The following KIF9 variants were observed in gnomAD, a reference collection of about 807,000 sequenced individuals.
The protein encoded by KIF9 is kinesin family member 9.
Under a neutral mutation model 94.8 loss-of-function variants are expected in KIF9, and 68 were observed. The ratio of observed to expected loss-of-function variants is 0.72; its 90% CI spans 0.59 to 0.88. The LOEUF (loss-of-function observed/expected upper bound fraction) is 0.88. Among genes scored for constraint, KIF9 ranks in the 40% least tolerant of loss-of-function variants. The pLI is 0.00. For missense variants in KIF9, 882 were observed against 982.5 expected (o/e 0.90, Z 1.37); for synonymous variants, 343 against 362.1 (o/e 0.95, Z 0.60).
At chr3:47,261,188 G>A (rs1037980884) in intron 9 of KIF9, among the ~76,000 whole-genome samples, 7 of 152,190 alleles carry the variant, frequency 4.6e-5, no homozygotes, top group African/African-American at 1.7e-4. Context: ...TGGCCTCTGT[G>A]TCTTTGGCCC....
At chr3:47,269,364 C>CGTA (rs1701494198) in intron 5 of KIF9, among the ~76,000 whole-genome samples, 1 of 152,160 alleles carries the variant, frequency 6.6e-6, no homozygotes, top group Admixed American at 6.6e-5. Context: ...TTACTGAAAC[C>CGTA]TCTACCTGCT....
intron 1 of KIF9, among the ~76,000 whole-genome samples, chr3:47,281,626 G>C (rs920426064): frequency 1.3e-5 from 2 of 152,182 alleles, no homozygotes; most frequent in Non-Finnish European, 2.9e-5. Context: ...AGGATTACAG[G>C]CGTGAGCCAC....
intron 8 of KIF9, 87 bp from the exon 9 acceptor site, chr3:47,264,437 C>T: frequency 9.4e-7 from 1 of 1,063,374 alleles, no homozygotes; most frequent in Non-Finnish European, 1.4e-6. Flanking sequence ...ATACTGAATG[C>T]TTTTTATTTG....
chr3:47,257,242 C>A (rs1424137928), intron 10 of KIF9, among the ~76,000 whole-genome samples: 1 of 151,984 alleles, frequency 6.6e-6, no homozygotes, highest in Non-Finnish European at 1.5e-5. Flanking sequence ...CTAATAAGTT[C>A]TTTAGGCCTC....
rs1427409387 is a variant in KIF9 at position 47,236,124 on chromosome 3, G to C, written c.2127C>G (p.Ser709=). The change falls in exon 19 of 21, where the codon TCC becomes TCG. Residue 709 remains serine (S), a synonymous_variant. Coordinates refer to ENST00000684063, the MANE Select transcript of KIF9 (RefSeq NM_182902.4). ...TCTGCATGTCCTCAGGGATGACAAA[G>C]GACTCATTGTACCAGATGTCAAATT... The part of the protein sequence containing the change: ...LMEFDIWYNE[S]FVIPEDMQMA... 2 of 1,614,032 alleles carry C rather than the reference G, an allele frequency of 1.2e-6. No homozygotes were observed. The highest frequency in any genetic ancestry group is 1.1e-5 in the South Asian group (1 of 91,070).
chr3:47,277,199 A>G (rs2107523462), intron 2 of KIF9, 83 bp downstream of exon 2: 12 of 1,013,812 alleles, frequency 1.2e-5, no homozygotes, highest in Non-Finnish European at 1.8e-5. Context: ...TGGTCCTTCA[A>G]AGGTTGCTTG....
chr3:47,229,541 T>C (rs1698398588), intron 20 of KIF9, among the ~76,000 whole-genome samples: 1 of 152,064 alleles, frequency 6.6e-6, no homozygotes, highest in Non-Finnish European at 1.5e-5. Context: ...TATATAAAAG[T>C]ATATATTTAA....
rs774986855 is a variant in KIF9, at chr3:47,282,685, C to G, written c.-196G>C. 172 of 1,334,818 alleles carry G rather than the reference C, an allele frequency of 1.3e-4. No homozygotes were observed. The highest frequency in any genetic ancestry group is 1.6e-4 in the Non-Finnish European group (168 of 1,034,720). 82.7% of individuals were successfully genotyped at this position (1,334,818 alleles called of 1,614,324 possible). Reference sequence around the variant, plus strand: ...TCGAGGATACGGGTGAGGTCATGGCCGAATCGGGAAGACGAGAGATGGGGC... The same window carrying G: ...TCGAGGATACGGGTGAGGTCATGGCGGAATCGGGAAGACGAGAGATGGGGC... On this transcript the variant is annotated 5_prime_UTR_variant, in exon 1 of 21. Coordinates refer to ENST00000684063, the MANE Select transcript of KIF9 (RefSeq NM_182902.4).
In KIF9 at chr3:47,265,749, G is replaced by C; in HGVS notation, c.897C>G (p.His299Gln). 6.2e-7 allele frequency: 1 copy of C among 1,614,164 alleles called. No homozygotes were observed. The highest frequency in any genetic ancestry group is 8.5e-7 in the Non-Finnish European group (1 of 1,180,002). The stretch of plus-strand genomic sequence containing the variant: ...CCTCACCTAACGAGTCCTTCAGAGC[G>C]TGGGTGAGCTTGCACTGCCGAAAGG... ...HIPFRQCKLT[H>Q]ALKDSLGGNC... is the part of the protein sequence containing the mutation. The change falls in exon 8 of 21, where the codon CAC (histidine) becomes CAG (glutamine). Residue 299 changes from histidine (H) to glutamine (Q), a missense_variant. Physicochemically the swap from His to Gln is conservative, Grantham distance 24. Transcript: ENST00000684063.
At chr3:47,277,474 CG>C in intron 1 of KIF9, 95 bp from the exon 2 acceptor site, 1 of 818,642 alleles carries the variant, frequency 1.2e-6, no homozygotes, top group Non-Finnish European at 2.0e-6. Flanking sequence ...AAAAGAGTGA[CG>C]AGCAGTCCAT....
At chr3:47,242,072 A>G (rs567182080) in intron 16 of KIF9, among the ~76,000 whole-genome samples, 1 of 151,680 alleles carries the variant, frequency 6.6e-6, no homozygotes, top group East Asian at 1.9e-4. Flanking sequence ...TTATAGAGAC[A>G]GAGTCCCACT....
Position 47,266,935 on chromosome 3 carries a change from T to C in KIF9, c.768+41A>G, listed in dbSNP as rs370891344. 8.6e-5 allele frequency: 123 copies of C among 1,425,898 alleles called. 1 individual carries two copies. The highest frequency in any genetic ancestry group is 1.7e-5 in the Non-Finnish European group (17 of 1,009,550). 88.3% of individuals were successfully genotyped at this position (1,425,898 alleles called of 1,614,324 possible). On this transcript the variant is annotated intron_variant, in intron 7 of 20. Coordinates refer to ENST00000684063, the MANE Select transcript of KIF9 (RefSeq NM_182902.4). The stretch of plus-strand genomic sequence containing the variant: ...CAGGCACTGTGCCAGAAAAAGGGCT[T>C]GTGGTTTATTGAGTAGCAACCTCCA...
intron 17 of KIF9, among the ~76,000 whole-genome samples, chr3:47,236,929 G>A (rs1393364798): frequency 2.0e-5 from 3 of 152,236 alleles, no homozygotes; most frequent in Non-Finnish European, 4.4e-5. Context: ...AGTAGCCAAA[G>A]ATATTTAGTA....
rs1698328788 is a variant in KIF9, at chr3:47,228,686, G to A, written c.2339C>T (p.Thr780Ile). The change falls in exon 21 of 21, where the codon ACC becomes ATC. Residue 780 changes from threonine to isoleucine, a missense_variant. Physicochemically the swap from Thr to Ile is moderately conservative, Grantham distance 89. Coordinates refer to ENST00000684063, the MANE Select transcript of KIF9 (RefSeq NM_182902.4). ...KIEQKHNYLK[T>I]MMGLQQAHRK Reference sequence around the variant, plus strand: ...ATGTGCCTGCTGGAGGCCCATCATGGTTTTCAAGTAATTATGCTGGACACA... The same window carrying A: ...ATGTGCCTGCTGGAGGCCCATCATGATTTTCAAGTAATTATGCTGGACACA... The A allele has an allele frequency of 6.2e-7, 1 of 1,613,814 alleles. No individual in the cohort carries two copies. The highest frequency in any genetic ancestry group is 8.5e-7 in the Non-Finnish European group (1 of 1,179,814).
intron 9 of KIF9, among the ~76,000 whole-genome samples, chr3:47,260,532 A>C (rs1057002836): frequency 1.3e-5 from 2 of 152,234 alleles, no homozygotes; most frequent in African/African-American, 4.8e-5. Context: ...TGATAGGGCC[A>C]ACCCTTCCAC....
At chr3:47,269,052 G>A (rs914968599) in intron 5 of KIF9, among the ~76,000 whole-genome samples, 10 of 152,128 alleles carry the variant, frequency 6.6e-5, no homozygotes, top group Non-Finnish European at 1.3e-4. Flanking sequence ...GGGATTACAG[G>A]TGTGAGACAC....
At chr3:47,246,516 G>T in intron 12 of KIF9, 2 of 244,486 alleles carry the variant, frequency 8.2e-6, no homozygotes, top group Non-Finnish European at 1.6e-5. Context: ...TCTATAAAAT[G>T]AAATGATTCT....
rs1702304135 is a variant in KIF9 at position 47,281,054 on chromosome 3, T to A, written c.-6+1441A>T. 7.1e-6 allele frequency: 5 copies of A among 702,974 alleles called. No homozygotes were observed. The Admixed American group carries it at 8.0e-5, about 11-fold the overall frequency. 43.5% of individuals were successfully genotyped at this position (702,974 alleles called of 1,614,324 possible). On this transcript the variant is annotated intron_variant, in intron 1 of 20. Transcript: ENST00000684063. ...TTGAAGGCAAGGATTGTGCTTTTTATCTCTTTTGAATCCCCTCACAATGTC... is the reference window on the plus strand; with the variant it reads ...TTGAAGGCAAGGATTGTGCTTTTTAACTCTTTTGAATCCCCTCACAATGTC...
intron 9 of KIF9, among the ~76,000 whole-genome samples, chr3:47,263,160 G>A (rs1184430289): frequency 1.3e-5 from 2 of 152,202 alleles, no homozygotes; most frequent in Non-Finnish European, 2.9e-5. Context: ...GCCTCCCAAA[G>A]TGCTGGGATT....
Sources: allele counts gnomAD v4.1 joint callset (sites outside exome capture counted in the v4.1 genomes callset), GRCh38; gene constraint gnomAD v4.1.1; transcripts MANE v1.5; gene names NCBI Gene and HGNC (gene_info 2026-07-23, HGNC 2026-07-21).